The following ROBO2 variants were observed in gnomAD, a reference collection of about 807,000 sequenced individuals.
The protein encoded by ROBO2 is roundabout homolog 2.
ROBO2 carries 53 observed loss-of-function variants against 160.8 expected under a neutral mutation model. The ratio of observed to expected loss-of-function variants is 0.33; its 90% CI spans 0.26 to 0.41. The LOEUF (loss-of-function observed/expected upper bound fraction) is 0.41. Ranked by LOEUF, ROBO2 falls within the 10% of genes least tolerant of loss-of-function variation. The pLI, the probability that ROBO2 is intolerant of heterozygous loss-of-function variation, is 1.00. For missense variants in ROBO2, 1,577 were observed against 1,722.4 expected, an observed-to-expected ratio of 0.92 and a Z score of 1.49; for synonymous variants, 664 against 611.7, an observed-to-expected ratio of 1.09 and a Z score of -1.26.
At chr3:77,571,967 T>C (rs2093648085) in intron 13 of ROBO2, among the ~76,000 whole-genome samples, 1 of 151,596 alleles carries the variant, frequency 6.6e-6, no homozygotes, top group South Asian at 2.1e-4. Flanking sequence ...TTAAGCCCCA[T>C]ACGATATACT....
intron 2 of ROBO2, among the ~76,000 whole-genome samples, chr3:76,053,584 C>T (rs2067728923): frequency 6.6e-6 from 1 of 151,880 alleles, no homozygotes. Context: ...AAATAGAAGT[C>T]AAAAGAAATG....
At chr3:76,927,345 T>C (rs1478142093) in intron 2 of ROBO2, among the ~76,000 whole-genome samples, 6 of 152,156 alleles carry the variant, frequency 3.9e-5, no homozygotes, top group Admixed American at 3.9e-4. Flanking sequence ...TTTTTCACAG[T>C]GGATTCTTCC....
intron 2 of ROBO2, among the ~76,000 whole-genome samples, chr3:77,124,571 A>G (rs965986378): frequency 6.6e-6 from 1 of 152,184 alleles, no homozygotes; most frequent in African/African-American, 2.4e-5. Context: ...CATAAGTTAT[A>G]TAAATGTGGA....
At chr3:76,199,458 T>C (rs1702415900) in intron 2 of ROBO2, among the ~76,000 whole-genome samples, 2 of 152,154 alleles carry the variant, frequency 1.3e-5, no homozygotes, top group African/African-American at 4.8e-5. Flanking sequence ...TGCTAACAGA[T>C]GATCCTAATT....
chr3:77,108,872 G>A (rs546650865), intron 2 of ROBO2, among the ~76,000 whole-genome samples: 28 of 152,248 alleles, frequency 1.8e-4, no homozygotes, highest in East Asian at 1.4e-3. Context: ...ATGACTAAAC[G>A]AATTGATGAG....
intron 2 of ROBO2, among the ~76,000 whole-genome samples, chr3:76,065,758 C>T (rs909635737): frequency 0.048 from 3,772 of 79,344 alleles, 67 homozygotes; most frequent in South Asian, 0.22. Context: ...TATATACACA[C>T]ACACACACAC....
intron 2 of ROBO2, among the ~76,000 whole-genome samples, chr3:76,772,149 G>A (rs1318196341): frequency 1.3e-5 from 2 of 151,252 alleles, no homozygotes; most frequent in Non-Finnish European, 3.0e-5. Flanking sequence ...GGCTTTGTTT[G>A]TAAAATAGTC....
At chr3:76,283,107 AAT>A (rs1708318471) in intron 2 of ROBO2, among the ~76,000 whole-genome samples, 1 of 40,188 alleles carries the variant, frequency 2.5e-5, no homozygotes. Flanking sequence ...AAATAAATAT[AAT>A]AGTTATATAT....
At chr3:77,280,724 A>G (rs1160280785) in intron 2 of ROBO2, among the ~76,000 whole-genome samples, 1 of 151,936 alleles carries the variant, frequency 6.6e-6, no homozygotes, top group Non-Finnish European at 1.5e-5. Context: ...ATTTGTTGTG[A>G]CTCTTTGACA....
chr3:77,056,456 G>GT (rs201837028), intron 1 of ROBO2, among the ~76,000 whole-genome samples: 132 of 151,844 alleles, frequency 8.7e-4, no homozygotes, highest in African/African-American at 3.0e-3. Context: ...TTCATGCAGT[G>GT]TTTTTTTTAC....
intron 2 of ROBO2, among the ~76,000 whole-genome samples, chr3:76,913,648 G>T (rs2076126208): frequency 6.6e-6 from 1 of 152,138 alleles, no homozygotes; most frequent in African/African-American, 2.4e-5. Flanking sequence ...ATGTTTGACA[G>T]ATTTATTCTG....
At chr3:77,431,295 A>G (rs1157844187) in intron 2 of ROBO2, among the ~76,000 whole-genome samples, 1 of 152,174 alleles carries the variant, frequency 6.6e-6, no homozygotes, top group African/African-American at 2.4e-5. Context: ...AGAAGATTTC[A>G]GGAATGTGTC....
chr3:77,251,028 G>A, intron 2 of ROBO2, among the ~76,000 whole-genome samples: 1 of 152,062 alleles, frequency 6.6e-6, no homozygotes, highest in East Asian at 1.9e-4. Context: ...AGCTTTCTCA[G>A]GCTGCAGTTG....
chr3:77,220,421 G>T (rs2085635452), intron 2 of ROBO2, among the ~76,000 whole-genome samples: 1 of 151,778 alleles, frequency 6.6e-6, no homozygotes, highest in Non-Finnish European at 1.5e-5. Flanking sequence ...GTAAAAAATT[G>T]ATTATTAATT....
At chr3:76,890,943 G>A (rs1444988585) in intron 2 of ROBO2, among the ~76,000 whole-genome samples, 1 of 151,974 alleles carries the variant, frequency 6.6e-6, no homozygotes, top group Admixed American at 6.6e-5. Context: ...TTTGTTGAAG[G>A]TTTCTGGTAT....
intron 2 of ROBO2, among the ~76,000 whole-genome samples, chr3:76,709,662 G>A (rs539199652): frequency 6.6e-6 from 1 of 152,264 alleles, no homozygotes; most frequent in East Asian, 1.9e-4. Context: ...TTTGAAGCAG[G>A]AAAGTGAGTT....
At chr3:77,521,819 G>A (rs1271790850) in intron 5 of ROBO2, among the ~76,000 whole-genome samples, 4 of 151,188 alleles carry the variant, frequency 2.6e-5, no homozygotes, top group Non-Finnish European at 5.9e-5. Flanking sequence ...AGCCTAAAAT[G>A]TTTGTATTTG....
intron 2 of ROBO2, among the ~76,000 whole-genome samples, chr3:77,198,753 A>T (rs2082541640): frequency 6.6e-6 from 1 of 152,140 alleles, no homozygotes; most frequent in Non-Finnish European, 1.5e-5. Flanking sequence ...ATACAAAAAA[A>T]TTAGCCAGAC....
intron 2 of ROBO2, among the ~76,000 whole-genome samples, chr3:77,325,744 A>C (rs966633969): frequency 6.6e-6 from 1 of 151,440 alleles, no homozygotes; most frequent in Non-Finnish European, 1.5e-5. Context: ...TATGAACTGT[A>C]ACTATCTATT....
Sources: allele counts gnomAD v4.1 joint callset (sites outside exome capture counted in the v4.1 genomes callset), GRCh38; gene constraint gnomAD v4.1.1; transcripts MANE v1.5; gene names NCBI Gene and HGNC (gene_info 2026-07-23, HGNC 2026-07-21).